The following LRRC69 variants were observed in gnomAD, a reference collection of about 807,000 sequenced individuals.
The protein encoded by LRRC69 is leucine-rich repeat-containing protein 69.
In LRRC69, 42 loss-of-function variants were observed where a neutral mutation model predicts 37.8. The observed-to-expected ratio is 1.11, with a 90% CI of 0.87 to 1.44. The LOEUF (loss-of-function observed/expected upper bound fraction) is 1.44, where lower values mean the gene tolerates loss of function less well. Among genes scored for constraint, LRRC69 ranks in the 40% most tolerant of loss-of-function variants. The probability of loss-of-function intolerance (pLI) is 0.00; values close to 1 mark genes in which losing one functional copy is unlikely to be tolerated. For synonymous variants in LRRC69, 141 were observed against 143.1 expected, an observed-to-expected ratio of 0.99 and a Z score of 0.11; for missense variants, 357 against 401.9, an observed-to-expected ratio of 0.89 and a Z score of 0.96.
chr8:91,114,228 A>C (rs1813465987), intron 1 of LRRC69, among the ~76,000 whole-genome samples: 1 of 151,970 alleles, frequency 6.6e-6, no homozygotes, highest in Non-Finnish European at 1.5e-5. Context: ...AAGTTGGTAC[A>C]GTCATTATGG....
chr8:91,139,733 C>T (rs569782168), intron 5 of LRRC69, among the ~76,000 whole-genome samples: 4 of 151,824 alleles, frequency 2.6e-5, no homozygotes, highest in Admixed American at 1.3e-4. Context: ...TTTTTTCACA[C>T]GATACTATGT....
intron 1 of LRRC69, among the ~76,000 whole-genome samples, chr8:91,108,870 G>A (rs1205184544): frequency 2.0e-5 from 3 of 151,914 alleles, no homozygotes; most frequent in Admixed American, 1.3e-4. Context: ...ATTATGCAGA[G>A]GAAGAGGAAA....
Position 91,173,568 on chromosome 8 carries a change from G to T in LRRC69, c.652-15954G>T, listed in dbSNP as rs540950653. 3.3e-5 allele frequency among the ~76,000 whole-genome samples: 5 copies of T among 152,246 alleles called. No homozygotes were observed. The South Asian group carries it at 6.2e-4, about 19-fold the overall frequency. ...TTTACTAATACACTTGCAGTATATTGTCAGGTAGAGATTAATGGAAGCAAA... is the reference window on the plus strand; with the variant it reads ...TTTACTAATACACTTGCAGTATATTTTCAGGTAGAGATTAATGGAAGCAAA... On this transcript the variant is annotated intron_variant, in intron 5 of 7. Transcript: ENST00000448384.
At chr8:91,197,429 C>T (rs1809627780) in intron 6 of LRRC69, among the ~76,000 whole-genome samples, 1 of 152,080 alleles carries the variant, frequency 6.6e-6, no homozygotes, top group Non-Finnish European at 1.5e-5. Flanking sequence ...ATGGCGGGCG[C>T]CCCTCCCCCA....
chr8:91,184,993 G>C (rs939477147), intron 5 of LRRC69, among the ~76,000 whole-genome samples: 4 of 152,088 alleles, frequency 2.6e-5, no homozygotes, highest in African/African-American at 7.2e-5. Flanking sequence ...GTTGTAAGAG[G>C]GGGAGTGAAG....
chr8:91,175,719 G>A (rs539347450), intron 5 of LRRC69, among the ~76,000 whole-genome samples: 4 of 151,994 alleles, frequency 2.6e-5, no homozygotes, highest in Non-Finnish European at 5.9e-5. Context: ...AGTAGGAAAC[G>A]TTTGGTGGTC....
chr8:91,214,684 A>G (rs1810006336), intron 7 of LRRC69, among the ~76,000 whole-genome samples: 1 of 152,196 alleles, frequency 6.6e-6, no homozygotes, highest in Non-Finnish European at 1.5e-5. Context: ...CATTGATTCC[A>G]TAAGCAGGGA....
chr8:91,122,675 C>T (rs934671756), intron 1 of LRRC69, among the ~76,000 whole-genome samples: 1 of 151,990 alleles, frequency 6.6e-6, no homozygotes. Flanking sequence ...CACATTCTTG[C>T]GTATCTCGCC....
At chr8:91,130,838 T>A (rs1813796959) in intron 3 of LRRC69, 1 of 152,038 alleles carries the variant, frequency 6.6e-6, no homozygotes, top group South Asian at 2.1e-4. Flanking sequence ...TGATGTCTGG[T>A]GAGGGTCTAC....
In LRRC69 at chr8:91,124,640, C is replaced by A. The variant is rs753419732; in HGVS notation, c.310+21C>A. The A allele has an allele frequency of 4.0e-6, 6 of 1,510,568 alleles. No homozygotes were observed. The African/African-American group carries it at 7.1e-5, about 18-fold the overall frequency. 93.6% of individuals were successfully genotyped at this position (1,510,568 alleles called of 1,614,324 possible). Reference sequence around the variant, plus strand: ...CTGTGGTAATTTAATCAACAAGGAACAACATTATAGCATCAAATTTAATCT... The same window carrying A: ...CTGTGGTAATTTAATCAACAAGGAAAAACATTATAGCATCAAATTTAATCT... On this transcript the variant is annotated intron_variant, in intron 2 of 7. Coordinates refer to ENST00000448384, the Ensembl canonical transcript of LRRC69.
At chr8:91,214,014 A>G (rs142836048) in intron 7 of LRRC69, among the ~76,000 whole-genome samples, 23 of 152,100 alleles carry the variant, frequency 1.5e-4, no homozygotes, top group Non-Finnish European at 2.9e-4. Context: ...GGTGAGATAT[A>G]TATGTGTTCG....
At chr8:91,163,451 T>A (rs13265723) in intron 5 of LRRC69, among the ~76,000 whole-genome samples, 7,937 of 151,192 alleles carry the variant, frequency 0.052, 295 homozygotes, top group Middle Eastern at 0.16. Context: ...TATCATAGCC[T>A]TTGTCTGATT....
chr8:91,212,582 A>G (rs1185463821), intron 7 of LRRC69, among the ~76,000 whole-genome samples: 2 of 152,186 alleles, frequency 1.3e-5, no homozygotes, highest in African/African-American at 4.8e-5. Flanking sequence ...GATTACATTT[A>G]ATAATTTTAC....
intron 1 of LRRC69, among the ~76,000 whole-genome samples, chr8:91,107,103 A>G (rs879932046): frequency 2.7e-5 from 4 of 150,828 alleles, no homozygotes; most frequent in Non-Finnish European, 4.4e-5. Flanking sequence ...CACCTAGCCC[A>G]TAGTGATTCT....
intron 5 of LRRC69, among the ~76,000 whole-genome samples, chr8:91,156,110 T>C (rs1808830369): frequency 6.6e-6 from 1 of 150,900 alleles, no homozygotes. Flanking sequence ...TCATAGATTT[T>C]TGAGGAAACT....
intron 6 of LRRC69, among the ~76,000 whole-genome samples, chr8:91,197,665 G>A (rs1001694230): frequency 2.0e-5 from 3 of 152,136 alleles, no homozygotes; most frequent in East Asian, 1.9e-4. Context: ...GACCCCTTGC[G>A]CTTCCCGAGT....
intron 5 of LRRC69, among the ~76,000 whole-genome samples, chr8:91,142,068 T>G (rs1808541838): frequency 6.6e-6 from 1 of 152,034 alleles, no homozygotes; most frequent in African/African-American, 2.4e-5. Flanking sequence ...TGAAACAGTT[T>G]TTATTTTAAT....
chr8:91,151,917 A>T (rs774359327), intron 5 of LRRC69, among the ~76,000 whole-genome samples: 18 of 150,472 alleles, frequency 1.2e-4, no homozygotes, highest in Non-Finnish European at 1.5e-5. Context: ...TTTTTTTTTC[A>T]TATGTTTCTT....
intron 5 of LRRC69, among the ~76,000 whole-genome samples, chr8:91,144,246 A>G (rs1808578955): frequency 6.6e-6 from 1 of 151,942 alleles, no homozygotes; most frequent in Admixed American, 6.6e-5. Flanking sequence ...CGTAACTGTT[A>G]CTGTAACCAA....
Sources: gnomAD v4.1 joint callset for allele counts (sites outside exome capture counted in the v4.1 genomes callset) on GRCh38, gnomAD v4.1.1 for gene constraint, MANE v1.5 for transcripts, NCBI Gene and HGNC (gene_info 2026-07-23, HGNC 2026-07-21) for gene names.